The following NLRP5 variants were observed in gnomAD, a reference collection of about 807,000 sequenced individuals.
NLRP5 encodes NACHT, LRR and PYD domains-containing protein 5.
NLRP5 carries 93 observed loss-of-function variants against 113.1 expected under a neutral mutation model. That is an observed-to-expected ratio of 0.82 (90% confidence interval 0.70 to 0.98). NLRP5 has a LOEUF of 0.98. Among genes scored for constraint, NLRP5 ranks in the 50% least tolerant of loss-of-function variants. The pLI is 0.00. For missense variants in NLRP5, 1,808 were observed against 1,514.3 expected (o/e 1.19, Z -3.22); for synonymous variants, 751 against 600.7 (o/e 1.25, Z -3.66).
chr19:56,028,154 G>A lies in NLRP5; in HGVS notation c.1921G>A (p.Val641Met), dbSNP rs548549332. 1.9e-5 allele frequency: 31 copies of A among 1,613,974 alleles called. No homozygotes were observed. The highest frequency in any genetic ancestry group is 2.3e-5 in the Non-Finnish European group (27 of 1,179,890). The change falls in exon 7 of 15, where the codon GTG becomes ATG. Residue 641 changes from valine (V) to methionine (M), a missense_variant. Physicochemically the swap from Val to Met is conservative, Grantham distance 21. Coordinates refer to ENST00000390649, the MANE Select transcript of NLRP5 (RefSeq NM_153447.4). ...GATGAAGCGTTTCTTGTTTGGCCTCGTGAGCGAAGACGTAAGGAGGCCACT... is the reference window on the plus strand; with the variant it reads ...GATGAAGCGTTTCTTGTTTGGCCTCATGAGCGAAGACGTAAGGAGGCCACT...
At chr19:56,003,195 A>G (rs1172728923) in intron 1 of NLRP5, among the ~76,000 whole-genome samples, 1 of 152,194 alleles carries the variant, frequency 6.6e-6, no homozygotes, top group Admixed American at 6.5e-5. Flanking sequence ...ACTCTTGTCC[A>G]GGCTGGAGTG....
intron 11 of NLRP5, 109 bp downstream of exon 11, chr19:56,041,201 A>C: frequency 9.7e-7 from 1 of 1,029,876 alleles, no homozygotes; most frequent in South Asian, 1.5e-5. Flanking sequence ...CATCACATGA[A>C]GGGACCTGGT....
intron 12 of NLRP5, 131 bp from the exon 13 acceptor site, chr19:56,053,507 C>T (rs1379539293): frequency 1.3e-6 from 1 of 744,880 alleles, no homozygotes; most frequent in Non-Finnish European, 2.2e-6. Flanking sequence ...CTAAGCTGTT[C>T]ACAGGAGTGG....
chr19:56,061,497 A>C lies in NLRP5; in HGVS notation c.3572A>C (p.Asp1191Ala). The C allele has an allele frequency of 1.9e-6, 3 of 1,614,048 alleles. No individual in the cohort carries two copies. Among genetic ancestry groups the C allele is most frequent in the Non-Finnish European group, 2.5e-6 (3 of 1,179,896 alleles). Residue 1191 changes from aspartate to alanine, a missense_variant, in exon 15 of 15, where the codon GAT (aspartate) becomes GCT (alanine). Coordinates refer to ENST00000390649, the MANE Select transcript of NLRP5 (RefSeq NM_153447.4). ...ATTGACGGTAGTTGGCATTCTTTTG[A>C]TGAAGATGACCGGTACTGGTGGAAA... is the stretch of plus-strand genomic sequence containing the variant.
chr19:56,038,029 G>A lies in NLRP5; in HGVS notation c.2620G>A (p.Asp874Asn). 1 of 1,613,940 alleles carries A rather than the reference G, an allele frequency of 6.2e-7. No homozygotes were observed. The highest frequency in any genetic ancestry group is 1.1e-5 in the South Asian group (1 of 91,080). The change falls in exon 10 of 15, where the codon GAT (aspartate) becomes AAT (asparagine). Residue 874 changes from aspartate to asparagine, a missense_variant. Transcript: ENST00000390649. ...TCATGCTGCCTGTCTCTGCAGGCTG[G>A]ATTGCTGTGGATTGACCCATGCCTG...
At chr19:56,029,919 G>C (rs1289427449) in intron 7 of NLRP5, among the ~76,000 whole-genome samples, 1 of 150,940 alleles carries the variant, frequency 6.6e-6, no homozygotes, top group African/African-American at 2.4e-5. Flanking sequence ...GCCAGGCATG[G>C]TGGCGCACAC....
intron 14 of NLRP5, among the ~76,000 whole-genome samples, chr19:56,059,856 T>C (rs891675711): frequency 4.6e-5 from 7 of 152,162 alleles, no homozygotes; most frequent in African/African-American, 1.7e-4. Context: ...AATAGAAAAT[T>C]TCTCAGTTGA....
chr19:56,033,918 T>TA (rs199903254), intron 9 of NLRP5, among the ~76,000 whole-genome samples: 3 of 152,048 alleles, frequency 2.0e-5, no homozygotes, highest in Non-Finnish European at 2.9e-5. Flanking sequence ...TTATCACAAT[T>TA]AAAAAAACTC....
chr19:56,058,112 ATTTTTT>A (rs1984223142), intron 13 of NLRP5, 122 bp from the exon 14 acceptor site: 1 of 759,728 alleles, frequency 1.3e-6, no homozygotes, highest in Non-Finnish European at 2.0e-6. Flanking sequence ...CACCAGTTTC[ATTTTTT>A]GTTTGTTTTT....
At chr19:56,005,308 T>C (rs1436191505) in intron 2 of NLRP5, among the ~76,000 whole-genome samples, 1 of 144,202 alleles carries the variant, frequency 6.9e-6, no homozygotes, top group Non-Finnish European at 1.5e-5. Flanking sequence ...CACATATATA[T>C]TTATATATAC....
Position 56,027,210 on chromosome 19 carries a change from G to A in NLRP5, c.977G>A (p.Arg326Gln), listed in dbSNP as rs201609828. 106 of 1,611,492 alleles carry A rather than the reference G, an allele frequency of 6.6e-5. No individual in the cohort carries two copies. Among genetic ancestry groups the A allele is most frequent in the Middle Eastern group, 1.6e-4 (1 of 6,082 alleles). Reference sequence around the variant, plus strand: ...TTCCTCCCCGTTAGAGAGATGCAGCGGAAGAAGGAGAGCAGTGTCACAGAG... The same window carrying A: ...TTCCTCCCCGTTAGAGAGATGCAGCAGAAGAAGGAGAGCAGTGTCACAGAG... The change falls in exon 7 of 15, where the codon CGG becomes CAG. Residue 326 changes from arginine (R) to glutamine (Q), a missense_variant. Physicochemically the swap from Arg to Gln is conservative, Grantham distance 43. Transcript: ENST00000390649.
At chr19:56,015,551 C>T (rs542949933) in intron 3 of NLRP5, among the ~76,000 whole-genome samples, 191 bp from the exon 4 acceptor site, 12 of 152,152 alleles carry the variant, frequency 7.9e-5, no homozygotes, top group East Asian at 7.7e-4. Context: ...GATTTTGAAT[C>T]GTCGGATCTT....
chr19:56,052,756 T>C (rs1983978510), intron 12 of NLRP5, among the ~76,000 whole-genome samples: 1 of 152,216 alleles, frequency 6.6e-6, no homozygotes, highest in Admixed American at 6.5e-5. Context: ...CCATTTTTCC[T>C]AAGAATAGAA....
intron 11 of NLRP5, among the ~76,000 whole-genome samples, chr19:56,041,341 C>G (rs1302822094): frequency 6.6e-6 from 1 of 152,142 alleles, no homozygotes; most frequent in African/African-American, 2.4e-5. Context: ...TGGAGGTCAT[C>G]ATGTTCTACA....
At chr19:56,008,918 T>G in intron 3 of NLRP5, 65 bp downstream of exon 3, 1 of 1,393,108 alleles carries the variant, frequency 7.2e-7, no homozygotes, top group East Asian at 2.4e-5. Context: ...AGTTTGCATC[T>G]CTAGGCATTA....
At chr19:56,035,033 G>C (rs1983260954) in intron 9 of NLRP5, among the ~76,000 whole-genome samples, 1 of 152,208 alleles carries the variant, frequency 6.6e-6, no homozygotes, top group Non-Finnish European at 1.5e-5. Context: ...CCACCTCCCT[G>C]GTTCAGGCAA....
chr19:56,042,628 C>T (rs1329757560), intron 11 of NLRP5, among the ~76,000 whole-genome samples: 1 of 152,164 alleles, frequency 6.6e-6, no homozygotes, highest in Non-Finnish European at 1.5e-5. Context: ...CAGGCATGAG[C>T]CACCATGCCC....
rs959460722 is a variant in NLRP5 at position 56,061,756 on chromosome 19, C to T, written c.*228C>T. The stretch of plus-strand genomic sequence containing the variant: ...TAGGACTCAGTATCTGTGAAATGTC[C>T]GTCATATCTCAGAGCATATAGAGGG... On this transcript the variant is annotated 3_prime_UTR_variant, in exon 15 of 15. Transcript: ENST00000390649. 57 of 503,466 alleles carry T rather than the reference C, an allele frequency of 1.1e-4. 1 individual carries two copies. Among genetic ancestry groups the T allele is most frequent in the African/African-American group, 5.8e-4 (30 of 51,290 alleles). 31.2% of individuals were successfully genotyped at this position (503,466 alleles called of 1,614,324 possible).
At position 56,030,711 on chromosome 19, in the gene NLRP5, C is replaced by CTTTTTTTTTT. The variant is rs1251579019; in HGVS notation, c.2277-1898_2277-1897insTTTTTTTTTT. 2.2e-3 allele frequency among the ~76,000 whole-genome samples: 106 copies of CTTTTTTTTTT among 47,718 alleles called. 3 individuals carry two copies. The highest frequency in any genetic ancestry group is 3.0e-3 in the African/African-American group (17 of 5,604). 31.3% of individuals were successfully genotyped at this position (47,718 alleles called of 152,430 possible). On this transcript the variant is annotated intron_variant, in intron 7 of 14. Transcript: ENST00000390649. ...TATACTTACATTCATTCGCTTTCTTCTTCTTTTTTTTTTTTTTTTTTGAGA... is the reference window on the plus strand; with the variant it reads ...TATACTTACATTCATTCGCTTTCTTCTTTTTTTTTTTTCTTTTTTTTTTTTTTTTTTGAGA...
Sources: allele counts gnomAD v4.1 joint callset (sites outside exome capture counted in the v4.1 genomes callset), GRCh38; gene constraint gnomAD v4.1.1; transcripts MANE v1.5; gene names NCBI Gene and HGNC (gene_info 2026-07-23, HGNC 2026-07-21).